CCSER1: variants seen among roughly 807,000 people sequenced by gnomAD.
CCSER1 encodes the protein coiled-coil serine rich protein 1.
CCSER1 carries 41 observed loss-of-function variants against 82.0 expected under a neutral mutation model. The observed-to-expected ratio is 0.50, with a 90% confidence interval of 0.39 to 0.65. CCSER1 has a LOEUF of 0.65. Among genes scored for constraint, CCSER1 ranks in the 30% least tolerant of loss-of-function variants. The pLI is 0.00. For missense variants in CCSER1, 1,119 were observed against 1,064.2 expected (o/e 1.05, Z -0.72); for synonymous variants, 414 against 383.9 (o/e 1.08, Z -0.92).
intron 5 of CCSER1, among the ~76,000 whole-genome samples, chr4:90,534,488 T>TGA (rs1775053664): frequency 6.9e-6 from 1 of 145,604 alleles, no homozygotes; most frequent in Non-Finnish European, 1.5e-5. Context: ...TGTGTGTGTG[T>TGA]GATGTTTACC....
intron 3 of CCSER1, among the ~76,000 whole-genome samples, chr4:90,335,223 G>C (rs148040965): frequency 6.6e-6 from 1 of 152,142 alleles, no homozygotes; most frequent in South Asian, 2.1e-4. Flanking sequence ...ATTAAAATAC[G>C]TCATGGCAAA....
chr4:91,432,022 T>C (rs146413583), intron 10 of CCSER1, among the ~76,000 whole-genome samples: 77 of 149,710 alleles, frequency 5.1e-4, no homozygotes, highest in African/African-American at 1.9e-3. Context: ...TGGGAGGTGA[T>C]TGGATCACCA....
At chr4:91,040,387 C>G (rs1355465569) in intron 9 of CCSER1, among the ~76,000 whole-genome samples, 1 of 151,914 alleles carries the variant, frequency 6.6e-6, no homozygotes, top group Non-Finnish European at 1.5e-5. Flanking sequence ...AATAATATTC[C>G]TTAAAGGAGA....
Position 91,400,927 on chromosome 4 carries a change from T to C in CCSER1, c.2218-197645T>C, listed in dbSNP as rs558868056. 9.2e-5 allele frequency among the ~76,000 whole-genome samples: 14 copies of C among 152,046 alleles called. 1 individual carries two copies. The South Asian group carries it at 2.9e-3, about 32-fold the overall frequency. ...AAGTGATTTAGATTGCTGACATTGA[T>C]GCCATTAAAAATATTGGGTCATTCA... On this transcript the variant is annotated intron_variant, in intron 10 of 10. Coordinates refer to ENST00000509176, the MANE Select transcript of CCSER1 (RefSeq NM_001145065.2).
At chr4:90,647,373 G>C (rs1268441954) in intron 6 of CCSER1, among the ~76,000 whole-genome samples, 1 of 152,106 alleles carries the variant, frequency 6.6e-6, no homozygotes, top group Non-Finnish European at 1.5e-5. Flanking sequence ...AGACACATAT[G>C]AGCACGTTAA....
At chr4:90,328,655 C>G (rs2153493673) in intron 3 of CCSER1, among the ~76,000 whole-genome samples, 1 of 152,296 alleles carries the variant, frequency 6.6e-6, no homozygotes, top group South Asian at 2.1e-4. Flanking sequence ...ATTAAACAAT[C>G]CAGGAAACTT....
At chr4:90,575,059 A>G (rs929113439) in intron 5 of CCSER1, among the ~76,000 whole-genome samples, 3 of 152,076 alleles carry the variant, frequency 2.0e-5, no homozygotes, top group Non-Finnish European at 4.4e-5. Flanking sequence ...CTGGTTCATC[A>G]CTTTCTCCTT....
Position 91,029,668 on chromosome 4 carries a change from A to T in CCSER1, c.2173-56282A>T, listed in dbSNP as rs138309102. 3.0e-3 allele frequency among the ~76,000 whole-genome samples: 464 copies of T among 152,200 alleles called. 2 individuals carry two copies. Among genetic ancestry groups the T allele is most frequent in the African/African-American group, 0.01 (425 of 41,558 alleles). The stretch of plus-strand genomic sequence containing the variant: ...TTAGAACATCCCAGCCTGCTCCTTA[A>T]TAGTTGTACATTCTTAAGTAGGTTA... On this transcript the variant is annotated intron_variant, in intron 9 of 10. Transcript: ENST00000509176.
chr4:91,564,889 C>CT (rs1363647394), intron 10 of CCSER1, among the ~76,000 whole-genome samples: 1 of 151,682 alleles, frequency 6.6e-6, no homozygotes, highest in Non-Finnish European at 1.5e-5. Context: ...TCAATTTTTG[C>CT]TTTTTTTGTG....
chr4:90,395,675 T>G (rs1751846042), intron 3 of CCSER1, among the ~76,000 whole-genome samples: 1 of 151,988 alleles, frequency 6.6e-6, no homozygotes, highest in South Asian at 2.1e-4. Context: ...TTTTTTTTTT[T>G]TAAGTTAAAG....
intron 10 of CCSER1, among the ~76,000 whole-genome samples, chr4:91,186,923 G>T (rs1734596101): frequency 6.6e-6 from 1 of 152,180 alleles, no homozygotes; most frequent in South Asian, 2.1e-4. Context: ...TTCCAGCATG[G>T]GCATTAGGGC....
At chr4:91,161,207 G>C (rs150331051) in intron 10 of CCSER1, among the ~76,000 whole-genome samples, 5 of 152,126 alleles carry the variant, frequency 3.3e-5, no homozygotes, top group African/African-American at 1.2e-4. Flanking sequence ...AAAATCAGAT[G>C]GTACTAGATG....
At chr4:90,457,715 G>A (rs555382381) in intron 4 of CCSER1, among the ~76,000 whole-genome samples, 1 of 152,120 alleles carries the variant, frequency 6.6e-6, no homozygotes, top group Non-Finnish European at 1.5e-5. Context: ...GGCGGCCATG[G>A]CTGGGCCCGG....
intron 10 of CCSER1, among the ~76,000 whole-genome samples, chr4:91,184,894 C>G (rs1034095303): frequency 6.6e-6 from 1 of 152,174 alleles, no homozygotes; most frequent in Non-Finnish European, 1.5e-5. Flanking sequence ...TGTAATAAAT[C>G]TCTTCCCCAT....
chr4:90,238,933 C>A (rs184742575), intron 1 of CCSER1, among the ~76,000 whole-genome samples: 1 of 151,872 alleles, frequency 6.6e-6, no homozygotes, highest in East Asian at 1.9e-4. Context: ...TCATTGCAAT[C>A]TCCATCTCCC....
At chr4:91,341,438 A>G (rs989403273) in intron 10 of CCSER1, among the ~76,000 whole-genome samples, 2 of 152,242 alleles carry the variant, frequency 1.3e-5, no homozygotes, top group African/African-American at 4.8e-5. Flanking sequence ...TTAACATTAA[A>G]AGTAGCTTTA....
chr4:90,915,471 A>C (rs1727207691), intron 8 of CCSER1, among the ~76,000 whole-genome samples: 3 of 152,220 alleles, frequency 2.0e-5, no homozygotes, highest in Admixed American at 2.0e-4. Flanking sequence ...ACAACACTTC[A>C]TGCTAACAAC....
At chr4:90,621,446 T>G (rs1722302700) in intron 5 of CCSER1, among the ~76,000 whole-genome samples, 1 of 151,540 alleles carries the variant, frequency 6.6e-6, no homozygotes, top group Admixed American at 6.6e-5. Flanking sequence ...ATGTTATCAA[T>G]TGGTTTCCAA....
intron 10 of CCSER1, among the ~76,000 whole-genome samples, chr4:91,428,665 T>G (rs888468233): frequency 3.3e-5 from 5 of 152,072 alleles, no homozygotes; most frequent in African/African-American, 1.2e-4. Flanking sequence ...GCCCTGTGTG[T>G]AATTATGAAT....
Sources: gnomAD v4.1 joint callset for allele counts (sites outside exome capture counted in the v4.1 genomes callset) on GRCh38, gnomAD v4.1.1 for gene constraint, MANE v1.5 for transcripts, NCBI Gene and HGNC (gene_info 2026-07-23, HGNC 2026-07-21) for gene names.